CDC42SE2: variants seen among roughly 807,000 people sequenced by gnomAD.
CDC42SE2 encodes CDC42 small effector protein 2.
In CDC42SE2, 3 loss-of-function variants were observed where a neutral mutation model predicts 11.5. The ratio of observed to expected loss-of-function variants is 0.26; its 90% CI spans 0.12 to 0.67. The LOEUF is 0.67. Among genes scored for constraint, CDC42SE2 ranks in the 30% least tolerant of loss-of-function variants. The pLI, the probability that CDC42SE2 is intolerant of heterozygous loss-of-function variation, is 0.80. For missense variants in CDC42SE2, 82 were observed against 106.8 expected (o/e 0.77, Z 1.02); for synonymous variants, 33 against 34.8 (o/e 0.95, Z 0.18).
intron 4 of CDC42SE2, among the ~76,000 whole-genome samples, chr5:131,390,557 C>T (rs1470304164): frequency 6.6e-6 from 1 of 151,916 alleles, no homozygotes; most frequent in Non-Finnish European, 1.5e-5. Flanking sequence ...TGCCTGTAAT[C>T]CCAGCTACTA....
chr5:131,317,085 C>T (rs187649221), intron 2 of CDC42SE2, among the ~76,000 whole-genome samples: 93 of 152,206 alleles, frequency 6.1e-4, no homozygotes, highest in Middle Eastern at 3.4e-3. Flanking sequence ...AAAACCAATC[C>T]GTAGAATCTA....
At chr5:131,386,972 C>CG (rs1375646390) in intron 4 of CDC42SE2, among the ~76,000 whole-genome samples, 1 of 152,144 alleles carries the variant, frequency 6.6e-6, no homozygotes, top group African/African-American at 2.4e-5. Flanking sequence ...TGAACCTTGC[C>CG]GGAAAGGAAA....
At chr5:131,348,220 T>C (rs530624181) in intron 2 of CDC42SE2, among the ~76,000 whole-genome samples, 1 of 152,326 alleles carries the variant, frequency 6.6e-6, no homozygotes, top group Admixed American at 6.5e-5. Context: ...TGTTTGCAGA[T>C]GACATGATTG....
At chr5:131,309,632 T>C (rs1422394693) in intron 1 of CDC42SE2, among the ~76,000 whole-genome samples, 1 of 151,824 alleles carries the variant, frequency 6.6e-6, no homozygotes, top group Non-Finnish European at 1.5e-5. Flanking sequence ...GCTCCTGTTA[T>C]TGGTCTATTC....
intron 1 of CDC42SE2, among the ~76,000 whole-genome samples, chr5:131,309,348 C>T (rs1368413569): frequency 2.0e-5 from 3 of 151,942 alleles, no homozygotes; most frequent in Admixed American, 6.6e-5. Flanking sequence ...TTCGTTTTGC[C>T]AGTATTTTAT....
At chr5:131,235,115 TCCTGA>T in the CDC42SE2 span, among the ~76,000 whole-genome samples, 7 of 151,944 alleles carry the variant, frequency 4.6e-5, no homozygotes, top group African/African-American at 1.7e-4. Context: ...GTTCTCAAAC[TCCTGA>T]CCTCGTGATC....
chr5:131,289,013 G>A (rs1350342064), intron 1 of CDC42SE2, among the ~76,000 whole-genome samples: 1 of 152,076 alleles, frequency 6.6e-6, no homozygotes, highest in African/African-American at 2.4e-5. Context: ...TTTGGCTCCT[G>A]TATTCTATAC....
chr5:131,233,198 A>G, the CDC42SE2 span, among the ~76,000 whole-genome samples: 150 of 152,102 alleles, frequency 9.9e-4, no homozygotes, highest in African/African-American at 3.3e-3. Flanking sequence ...TTTCTTGGAG[A>G]TTATTTCCTA....
At chr5:131,283,733 T>A (rs1017064315) in intron 1 of CDC42SE2, among the ~76,000 whole-genome samples, 1 of 152,130 alleles carries the variant, frequency 6.6e-6, no homozygotes, top group African/African-American at 2.4e-5. Context: ...CCTCAGGTGA[T>A]CCGCCCATCT....
chr5:131,229,970 C>G, the CDC42SE2 span, among the ~76,000 whole-genome samples: 5 of 152,142 alleles, frequency 3.3e-5, no homozygotes, highest in Non-Finnish European at 7.4e-5. Flanking sequence ...AGGTATCTAT[C>G]TATGTACACA....
the CDC42SE2 span, among the ~76,000 whole-genome samples, chr5:131,227,197 A>G: frequency 6.7e-6 from 1 of 149,342 alleles, no homozygotes; most frequent in African/African-American, 2.5e-5. Flanking sequence ...CCAGGAGTTC[A>G]AGTTTACAGT....
intron 2 of CDC42SE2, among the ~76,000 whole-genome samples, chr5:131,357,285 CAT>C (rs762477831): frequency 1.8e-4 from 27 of 152,138 alleles, no homozygotes; most frequent in Non-Finnish European, 2.9e-4. Context: ...TAAATCTTAA[CAT>C]GTTATTTTCC....
At chr5:131,253,434 T>G (rs1389604174) in intron 1 of CDC42SE2, among the ~76,000 whole-genome samples, 1 of 152,196 alleles carries the variant, frequency 6.6e-6, no homozygotes, top group Non-Finnish European at 1.5e-5. Context: ...TTGCATTGAA[T>G]TGATCCTATT....
At chr5:131,211,894 G>A in the CDC42SE2 span, among the ~76,000 whole-genome samples, 1 of 150,836 alleles carries the variant, frequency 6.6e-6, no homozygotes, top group African/African-American at 2.5e-5. Flanking sequence ...GAGGTGGGAG[G>A]ATCATTTGAG....
chr5:131,310,837 C>T (rs1419278546), intron 1 of CDC42SE2, among the ~76,000 whole-genome samples: 1 of 151,892 alleles, frequency 6.6e-6, no homozygotes, highest in Non-Finnish European at 1.5e-5. Context: ...GTATGTGTGT[C>T]TCTGCACGTG....
intron 3 of CDC42SE2, among the ~76,000 whole-genome samples, chr5:131,381,632 TTGA>T (rs1353845880): frequency 6.6e-6 from 1 of 152,246 alleles, no homozygotes; most frequent in Non-Finnish European, 1.5e-5. Context: ...CCAAATGCTG[TTGA>T]TTTTATCCAC....
intron 2 of CDC42SE2, among the ~76,000 whole-genome samples, chr5:131,337,334 G>A (rs375990513): frequency 6.6e-6 from 1 of 152,184 alleles, no homozygotes; most frequent in East Asian, 1.9e-4. Flanking sequence ...TGGAAGTTTT[G>A]TCTCAGAGGA....
chr5:131,366,563 GTTTTTTTGTTTT>G (rs942969485), intron 3 of CDC42SE2, among the ~76,000 whole-genome samples: 4 of 151,672 alleles, frequency 2.6e-5, no homozygotes, highest in African/African-American at 9.7e-5. Flanking sequence ...TTTTTTGTTT[GTTTTTTTGTTTT>G]TTTTACTACA....
At chr5:131,262,797 T>G (rs756768631), upstream of CDC42SE2, among the ~76,000 whole-genome samples, 36 of 152,204 alleles carry the variant, frequency 2.4e-4, no homozygotes, top group Non-Finnish European at 4.3e-4. Context: ...TTTAAATTGT[T>G]GTGTTTTTTT....
Sources: allele counts gnomAD v4.1 joint callset (sites outside exome capture counted in the v4.1 genomes callset), GRCh38; gene constraint gnomAD v4.1.1; transcripts MANE v1.5; gene names NCBI Gene and HGNC (gene_info 2026-07-23, HGNC 2026-07-21).